Variants in DAB1 observed in about 807,000 individuals in gnomAD.
DAB1 encodes the protein DAB adaptor protein 1.
DAB1 carries 15 observed loss-of-function variants against 64.6 expected under a neutral mutation model. That is an observed-to-expected ratio of 0.23 (90% CI 0.16 to 0.36). The LOEUF (loss-of-function observed/expected upper bound fraction) is 0.36. Ranked by LOEUF, DAB1 falls within the 10% of genes least tolerant of loss-of-function variation. The pLI is 1.00. For missense variants in DAB1, 596 were observed against 706.7 expected (o/e 0.84, Z 1.78); for synonymous variants, 235 against 251.9 (o/e 0.93, Z 0.64).
At chr1:57,511,451 T>C (rs1480428659) in intron 7 of DAB1, among the ~76,000 whole-genome samples, 4 of 152,218 alleles carry the variant, frequency 2.6e-5, no homozygotes, top group African/African-American at 9.6e-5. Context: ...TGCCTTATTC[T>C]ATCCTTCAGG....
chr1:58,022,775 C>T (rs1042848579), intron 5 of DAB1, among the ~76,000 whole-genome samples: 5 of 152,266 alleles, frequency 3.3e-5, no homozygotes, highest in Non-Finnish European at 4.4e-5. Context: ...ATTTCTATTA[C>T]ATCTTTGTAT....
At chr1:57,658,734 C>T (rs1232113393) in intron 6 of DAB1, among the ~76,000 whole-genome samples, 1 of 151,930 alleles carries the variant, frequency 6.6e-6, no homozygotes, top group East Asian at 1.9e-4. Context: ...AGCTAATTTT[C>T]TTTCTGTATT....
chr1:57,205,777 G>A (rs1043668873), intron 2 of DAB1, among the ~76,000 whole-genome samples: 1 of 152,106 alleles, frequency 6.6e-6, no homozygotes, highest in South Asian at 2.1e-4. Context: ...TTTTTTACTA[G>A]GGCTTACATC....
chr1:57,471,478 G>C (rs1156971265), intron 7 of DAB1, among the ~76,000 whole-genome samples: 1 of 152,206 alleles, frequency 6.6e-6, no homozygotes. Context: ...TGGTTTGGCT[G>C]TGTCCCCACC....
chr1:57,421,764 T>G (rs956901355), intron 1 of DAB1, among the ~76,000 whole-genome samples: 1 of 152,088 alleles, frequency 6.6e-6, no homozygotes, highest in Non-Finnish European at 1.5e-5. Flanking sequence ...AATTTCTGAT[T>G]GCTTAGAAGT....
At position 57,145,351 on chromosome 1, in the gene DAB1, A is replaced by G. The variant is rs751548443; in HGVS notation, c.146T>C (p.Ile49Thr). The part of the protein sequence containing the change: ...GVRYKAKLIG[I>T]DEVSAARGDK... Reference sequence around the variant, plus strand: ...TCCCCGAGCTGCGGAAACTTCATCAATCCCGATCAATTTGGCTTTGTACCG... The same window carrying G: ...TCCCCGAGCTGCGGAAACTTCATCAGTCCCGATCAATTTGGCTTTGTACCG... The change falls in exon 3 of 15, where the codon ATT (isoleucine) becomes ACT (threonine). Residue 49 changes from isoleucine (I) to threonine (T), a missense_variant. Physicochemically the swap from Ile to Thr is moderately conservative, Grantham distance 89 (BLOSUM62 -1). This residue lies in a region of DAB1 where 176 missense variants were observed against 266.7 expected (regional missense o/e 0.66). Transcript: ENST00000371236. 2.5e-6 allele frequency: 4 copies of G among 1,614,106 alleles called. No individual in the cohort carries two copies. In the South Asian group the frequency reaches 3.3e-5, roughly 13 times the overall value.
chr1:57,660,222 AT>A (rs1376907110), intron 6 of DAB1, among the ~76,000 whole-genome samples: 1 of 152,140 alleles, frequency 6.6e-6, no homozygotes, highest in Non-Finnish European at 1.5e-5. Context: ...AGAGCCTCCT[AT>A]ATTCTAAGAA....
At chr1:58,081,837 T>G (rs1031952726) in intron 5 of DAB1, among the ~76,000 whole-genome samples, 3 of 152,200 alleles carry the variant, frequency 2.0e-5, no homozygotes, top group African/African-American at 7.2e-5. Context: ...TGAATGTACT[T>G]TCTTCTGAGA....
intron 2 of DAB1, among the ~76,000 whole-genome samples, chr1:57,273,541 GCCTGCCTGCCTGCCTT>G (rs1209142244): frequency 4.7e-4 from 31 of 66,216 alleles, no homozygotes; most frequent in African/African-American, 1.7e-3. Flanking sequence ...CTGCCTGCCT[GCCTGCCTGCCTGCCTT>G]CCTTCCTTCC....
At chr1:58,310,489 A>C (rs1162048254) in intron 4 of DAB1, among the ~76,000 whole-genome samples, 2 of 152,300 alleles carry the variant, frequency 1.3e-5, no homozygotes, top group East Asian at 3.9e-4. Context: ...TAGAATTAAA[A>C]ATTTGAATTT....
intron 4 of DAB1, among the ~76,000 whole-genome samples, chr1:57,116,461 CAA>C (rs61590002): frequency 0.056 from 4,026 of 71,744 alleles, 67 homozygotes; most frequent in Admixed American, 0.1. Context: ...GACTCTGTCT[CAA>C]AAAAAAAAAA....
intron 1 of DAB1, among the ~76,000 whole-genome samples, chr1:57,877,301 C>T (rs1644062453): frequency 6.6e-6 from 1 of 152,134 alleles, no homozygotes; most frequent in African/African-American, 2.4e-5. Flanking sequence ...TTTGTACCCT[C>T]TGTCCCAGCT....
At chr1:58,518,526 A>T (rs1646209179) in intron 2 of DAB1, among the ~76,000 whole-genome samples, 1 of 151,976 alleles carries the variant, frequency 6.6e-6, no homozygotes, top group Non-Finnish European at 1.5e-5. Flanking sequence ...TAGGTAAAAG[A>T]TGCTAGTACT....
At chr1:57,649,421 A>G (rs189816225) in intron 7 of DAB1, among the ~76,000 whole-genome samples, 1 of 152,294 alleles carries the variant, frequency 6.6e-6, no homozygotes, top group Admixed American at 6.5e-5. Context: ...GAGAAAAGCA[A>G]CCCGAAGCAC....
intron 1 of DAB1, among the ~76,000 whole-genome samples, chr1:58,535,599 A>AC (rs1351072884): frequency 1.3e-5 from 2 of 150,688 alleles, no homozygotes; most frequent in Non-Finnish European, 3.0e-5. Flanking sequence ...CTGTCTCAAA[A>AC]AAAAAAAAAA....
intron 1 of DAB1, among the ~76,000 whole-genome samples, chr1:57,832,987 C>T (rs1652656188): frequency 2.6e-5 from 4 of 151,620 alleles, no homozygotes. Context: ...TACAGTGATG[C>T]CTCTCAGGCT....
chr1:57,226,672 A>AAAAAAATATAT (rs747021990), intron 2 of DAB1, among the ~76,000 whole-genome samples: 8 of 135,998 alleles, frequency 5.9e-5, no homozygotes, highest in South Asian at 2.2e-4. Flanking sequence ...TTAAAAAAAA[A>AAAAAAATATAT]ATATATATAT....
chr1:58,463,485 C>T (rs1183635025), intron 3 of DAB1, among the ~76,000 whole-genome samples: 1 of 152,166 alleles, frequency 6.6e-6, no homozygotes, highest in Non-Finnish European at 1.5e-5. Flanking sequence ...CTTCCTGGCC[C>T]TTGCATGGCA....
intron 6 of DAB1, among the ~76,000 whole-genome samples, chr1:57,665,946 G>A (rs1646442926): frequency 6.7e-6 from 1 of 149,730 alleles, no homozygotes; most frequent in Non-Finnish European, 1.5e-5. Flanking sequence ...GTTTTTCAAT[G>A]TTGAAAACTC....
Sources: allele counts gnomAD v4.1 joint callset (sites outside exome capture counted in the v4.1 genomes callset), GRCh38; gene constraint gnomAD v4.1.1; regional missense constraint gnomAD v4.1.1; transcripts MANE v1.5; gene names NCBI Gene and HGNC (gene_info 2026-07-23, HGNC 2026-07-21).